Variants in CCDC40 observed in about 807,000 individuals in gnomAD.
The protein encoded by CCDC40 is coiled-coil domain 40 molecular ruler complex subunit.
CCDC40 carries 104 observed loss-of-function variants against 124.5 expected under a neutral mutation model. The ratio of observed to expected loss-of-function variants is 0.84; its 90% CI spans 0.71 to 0.98. The LOEUF (loss-of-function observed/expected upper bound fraction) is 0.98, where lower values mean the gene tolerates loss of function less well. CCDC40 is among the 50% of genes least tolerant of loss of function. The pLI, the probability that CCDC40 is intolerant of heterozygous loss-of-function variation, is 0.00. For missense variants in CCDC40, 1,463 were observed against 1,503.9 expected (o/e 0.97, Z 0.45); for synonymous variants, 580 against 602.9 (o/e 0.96, Z 0.56).
At chr17:80,092,294 C>T (rs1412356695) in intron 17 of CCDC40, 1 of 152,406 alleles carries the variant, frequency 6.6e-6, no homozygotes, top group East Asian at 1.9e-4. Flanking sequence ...CCTCAGCCTC[C>T]CAAAGTGCTG....
At chr17:80,054,291 A>T (rs921844959) in intron 7 of CCDC40, among the ~76,000 whole-genome samples, 8 of 152,122 alleles carry the variant, frequency 5.3e-5, no homozygotes, top group African/African-American at 1.4e-4. Flanking sequence ...TTTGTTTTTA[A>T]TTGCAAGAAA....
At chr17:80,050,922 G>A (rs898179818) in intron 7 of CCDC40, among the ~76,000 whole-genome samples, 22 of 152,210 alleles carry the variant, frequency 1.4e-4, no homozygotes, top group African/African-American at 4.8e-4. Context: ...ATGCGAATGC[G>A]AGGGTGAGGC....
intron 10 of CCDC40, among the ~76,000 whole-genome samples, chr17:80,072,255 TA>T (rs2038210690): frequency 1.3e-5 from 2 of 152,302 alleles, no homozygotes; most frequent in South Asian, 4.1e-4. Flanking sequence ...ACGGAGTTTT[TA>T]AAGTACGATT....
chr17:80,084,987 G>A lies in CCDC40; in HGVS notation c.2234G>A (p.Gly745Glu), dbSNP rs766445815. 2 of 1,613,498 alleles carry A rather than the reference G, an allele frequency of 1.2e-6. No individual in the cohort carries two copies. The highest frequency in any genetic ancestry group is 1.7e-6 in the Non-Finnish European group (2 of 1,180,010). The change falls in exon 13 of 20, where the codon GGG becomes GAG. Residue 745 changes from glycine to glutamate, a missense_variant and splice_region_variant. Physicochemically the swap from Gly to Glu is moderately conservative, Grantham distance 98. Transcript: ENST00000397545. ...KQLERMVSEL[G>E]GEEVGPLELE... The stretch of plus-strand genomic sequence containing the variant: ...CTGGAGCGGATGGTCTCCGAGCTGG[G>A]GGTGAGGTCCCAGGCAGGGAGACGT...
intron 7 of CCDC40, among the ~76,000 whole-genome samples, chr17:80,052,651 G>A (rs1300296778): frequency 2.6e-5 from 4 of 152,312 alleles, no homozygotes; most frequent in East Asian, 1.9e-4. Flanking sequence ...AGACTGAGCC[G>A]GACAGACAGG....
chr17:80,092,454 G>A (rs1306879313), intron 17 of CCDC40, among the ~76,000 whole-genome samples: 3 of 152,104 alleles, frequency 2.0e-5, no homozygotes, highest in Admixed American at 6.6e-5. Flanking sequence ...TACCCCAGCC[G>A]CCATGACAGC....
chr17:80,098,959 T>A (rs1360865615), intron 19 of CCDC40: 28 of 123,280 alleles, frequency 2.3e-4, no homozygotes, highest in African/African-American at 7.5e-4. Context: ...CCAGCCTAGG[T>A]AACAGAGCGA....
chr17:80,059,116 C>T lies in CCDC40; in HGVS notation c.1440+136C>T, dbSNP rs11654770. Reference sequence around the variant, plus strand: ...GCAGCCAGCTTACATCTGCAAACATCGGGCCCTCCCCATGGTGGGGCCACA... The same window carrying T: ...GCAGCCAGCTTACATCTGCAAACATTGGGCCCTCCCCATGGTGGGGCCACA... On this transcript the variant is annotated intron_variant, in intron 9 of 19. Coordinates refer to ENST00000397545, the MANE Select transcript of CCDC40 (RefSeq NM_017950.4). 234,124 of 1,107,930 alleles carry T rather than the reference C, an allele frequency of 0.21. 27,314 individuals are homozygous for T. The highest frequency in any genetic ancestry group is 0.33 in the East Asian group (13,555 of 41,574). The allele number at this position is 1,107,930 out of a possible 1,614,324, so 68.6% of individuals were successfully genotyped here.
intron 16 of CCDC40, chr17:80,089,549 C>T: frequency 2.6e-6 from 1 of 380,616 alleles, no homozygotes; most frequent in Non-Finnish European, 5.1e-6. Context: ...CCACCCCCAT[C>T]TCCCTCCCTC....
Position 80,098,324 on chromosome 17 carries a change from C to T in CCDC40, c.3180+921C>T, listed in dbSNP as rs569655105. 2.0e-5 allele frequency among the ~76,000 whole-genome samples: 3 copies of T among 152,340 alleles called. No homozygotes were observed. The South Asian group carries it at 6.2e-4, about 32-fold the overall frequency. On this transcript the variant is annotated intron_variant, in intron 19 of 19. Transcript: ENST00000397545. ...CTTTTCTCTTGGGGAGGTGGGCACACAGAGGAGGGCGTTGGGTCTGAGAGG... is the reference window on the plus strand; with the variant it reads ...CTTTTCTCTTGGGGAGGTGGGCACATAGAGGAGGGCGTTGGGTCTGAGAGG...
Position 80,050,109 on chromosome 17 carries a change from G to A in CCDC40, c.985G>A (p.Val329Met), listed in dbSNP as rs745445950. Reference protein sequence around the residue: ...QSRAQRQELGVNLYEVQQHLV... With the variant: ...QSRAQRQELGMNLYEVQQHLV... ...CCGAGCCCAGCGGCAGGAGCTGGGG[G>A]TGAATCTCTATGAGGTGCAGCAGCA... Residue 329 changes from valine (V) to methionine (M), a missense_variant, in exon 7 of 20, where the codon GTG becomes ATG. Val to Met is a conservative substitution (Grantham distance 21). Transcript: ENST00000397545. The A allele has an allele frequency of 3.1e-6, 5 of 1,614,016 alleles. No homozygotes were observed. In the South Asian group the frequency reaches 4.4e-5, roughly 14 times the overall value.
Position 80,087,489 on chromosome 17 carries a change from G to T in CCDC40, c.2450-118G>T. On this transcript the variant is annotated intron_variant, in intron 14 of 19. Transcript: ENST00000397545. This position sits in a 1 kb window ranked among gnomAD's most constrained non-coding sequence, Gnocchi z 4.5. ...AGCGCCAGGAACGACAAGAGGGAGG[G>T]GATGAAGGGAGCTACAGGGAGAGAC... 1 of 762,508 alleles carries T rather than the reference G, an allele frequency of 1.3e-6. No individual in the cohort carries two copies. Among genetic ancestry groups the T allele is most frequent in the Non-Finnish European group, 2.3e-6 (1 of 428,784 alleles). The allele number at this position is 762,508 out of a possible 1,614,324, so 47.2% of individuals were successfully genotyped here.
At chr17:80,051,554 G>A (rs1359186220) in intron 7 of CCDC40, among the ~76,000 whole-genome samples, 6 of 139,256 alleles carry the variant, frequency 4.3e-5, no homozygotes, top group African/African-American at 7.9e-5. Flanking sequence ...GCGTGAACCT[G>A]GGAGTCGGAG....
chr17:80,088,181 G>A (rs1369497056), intron 16 of CCDC40, 79 bp downstream of exon 16: 5 of 928,174 alleles, frequency 5.4e-6, no homozygotes, highest in South Asian at 4.0e-5. Context: ...AGACCATGTA[G>A]GAGGCCAGGT....
chr17:80,065,441 T>A (rs2038017320), intron 9 of CCDC40, 44 bp from the exon 10 acceptor site: 1 of 1,611,116 alleles, frequency 6.2e-7, no homozygotes, highest in South Asian at 1.1e-5. Flanking sequence ...TGCTCGCAAA[T>A]GAAATGAGAC....
intron 10 of CCDC40, among the ~76,000 whole-genome samples, chr17:80,070,833 G>A (rs2038168826): frequency 6.6e-6 from 1 of 152,212 alleles, no homozygotes; most frequent in African/African-American, 2.4e-5. Flanking sequence ...GGACTGCTGT[G>A]GTAGCTCATG....
chr17:80,043,031 T>G (rs1227673452), intron 3 of CCDC40, among the ~76,000 whole-genome samples: 4 of 152,198 alleles, frequency 2.6e-5, no homozygotes, highest in African/African-American at 9.6e-5. Context: ...GGGAGCCACT[T>G]TGGAGTGATG....
At chr17:80,097,558 C>CA (rs2038833489) in intron 19 of CCDC40, 155 bp downstream of exon 19, 1 of 695,676 alleles carries the variant, frequency 1.4e-6, no homozygotes, top group East Asian at 2.7e-5. Flanking sequence ...CGGCTGCTCA[C>CA]ATGTTTGTGG....
rs573065706 is a variant in CCDC40 at position 80,089,503 on chromosome 17, C to T, written c.2712-261C>T. On this transcript the variant is annotated intron_variant, in intron 16 of 19. Coordinates refer to ENST00000397545, the MANE Select transcript of CCDC40 (RefSeq NM_017950.4). Reference sequence around the variant, plus strand: ...TTTCTCAGCTCCTACAGTTATATATCCCTGTTCTCTCTCTCTCTGTCTCTC... The same window carrying T: ...TTTCTCAGCTCCTACAGTTATATATTCCTGTTCTCTCTCTCTCTGTCTCTC... The T allele has an allele frequency of 1.5e-3, 691 of 475,490 alleles. 10 individuals are homozygous for T. Among genetic ancestry groups the T allele is most frequent in the South Asian group, 0.014 (664 of 47,038 alleles). The allele number at this position is 475,490 out of a possible 1,614,324, so 29.5% of individuals were successfully genotyped here.
Sources: gnomAD v4.1 joint callset for allele counts (sites outside exome capture counted in the v4.1 genomes callset) on GRCh38, gnomAD v4.1.1 for gene constraint, Gnocchi (gnomAD v3.1) non-coding constraint, MANE v1.5 for transcripts, NCBI Gene and HGNC (gene_info 2026-07-23, HGNC 2026-07-21) for gene names.